SH3TC1: variants seen among roughly 807,000 people sequenced by gnomAD.
SH3TC1 encodes SH3 domain and tetratricopeptide repeats 1, also known as SH3 domain and tetratricopeptide repeat-containing protein 1.
In SH3TC1, 135 loss-of-function variants were observed where a neutral mutation model predicts 117.3. The observed-to-expected ratio is 1.15, with a 90% CI of 1.00 to 1.33. SH3TC1 has a LOEUF of 1.33. Among genes scored for constraint, SH3TC1 ranks in the 40% most tolerant of loss-of-function variants. SH3TC1 has a pLI of 0.00. For synonymous variants in SH3TC1, 898 were observed against 816.9 expected (o/e 1.10, Z -1.69); for missense variants, 2,092 against 1,794.3 (o/e 1.17, Z -3.00).
intron 3 of SH3TC1, among the ~76,000 whole-genome samples, chr4:8,212,315 G>T (rs371806456): frequency 6.6e-6 from 1 of 150,790 alleles, no homozygotes; most frequent in Non-Finnish European, 1.5e-5. Flanking sequence ...TCCTGTGCCC[G>T]CAAGTTCCAA....
Position 8,205,130 on chromosome 4 carries a change from G to A in SH3TC1, c.-28-37G>A. ...CACAACCTCCGTGCTGGTTCTGGAG[G>A]GGCCACCTCTCCTGACCACACCCCC... On this transcript the variant is annotated intron_variant, in intron 1 of 17. Coordinates refer to ENST00000245105, the MANE Select transcript of SH3TC1 (RefSeq NM_018986.5). The surrounding 1 kb of genome is among the most constrained non-coding windows in gnomAD (Gnocchi z 5.4). The A allele has an allele frequency of 7.0e-7, 1 of 1,429,338 alleles. No homozygotes were observed. The highest frequency in any genetic ancestry group is 9.2e-7 in the Non-Finnish European group (1 of 1,084,090). 88.5% of individuals were successfully genotyped at this position (1,429,338 alleles called of 1,614,324 possible).
At chr4:8,218,588 T>A (rs528707821) in intron 8 of SH3TC1, among the ~76,000 whole-genome samples, 1 of 152,340 alleles carries the variant, frequency 6.6e-6, no homozygotes, top group Admixed American at 6.5e-5. Flanking sequence ...TGGGGGCTGG[T>A]GCAGCGTCAT....
In SH3TC1 at chr4:8,209,581, CT is replaced by C; in HGVS notation, c.173-165del. 6.6e-7 allele frequency: 1 copy of C among 1,506,364 alleles called. No homozygotes were observed. Among genetic ancestry groups the C allele is most frequent in the Admixed American group, 2.0e-5 (1 of 50,580 alleles). 93.3% of individuals were successfully genotyped at this position (1,506,364 alleles called of 1,614,324 possible). On this transcript the variant is annotated intron_variant, in intron 2 of 17. Transcript: ENST00000245105. This position sits in a 1 kb window ranked among gnomAD's most constrained non-coding sequence, Gnocchi z 5.9. ...CTGGGAAGTGCAGGCAGCTTCCCTC[CT>C]TGCTGGGCTCTGGGGAGACTGGAGG...
chr4:8,197,725 G>A (rs568191379), upstream of SH3TC1, among the ~76,000 whole-genome samples: 10 of 14,510 alleles, frequency 6.9e-4, no homozygotes, highest in Non-Finnish European at 5.6e-3. Flanking sequence ...TCAGGGCAGC[G>A]AGGGGCATGC....
In SH3TC1 at chr4:8,237,610, G is replaced by T. The variant is rs1213950537; in HGVS notation, c.3693G>T (p.Glu1231Asp). The T allele has an allele frequency of 3.1e-6, 5 of 1,612,578 alleles. No individual in the cohort carries two copies. Among genetic ancestry groups the T allele is most frequent in the South Asian group, 1.1e-5 (1 of 90,872 alleles). Residue 1231 changes from glutamate (E) to aspartate (D), a missense_variant, in exon 17 of 18, where the codon GAG (glutamate) becomes GAT (aspartate). By Grantham distance (45) the Glu-to-Asp change is conservative. Coordinates refer to ENST00000245105, the MANE Select transcript of SH3TC1 (RefSeq NM_018986.5). ...ACTCGCCGCTGGAGTTTGACGAGGA[G>T]ACCCTCTACTACGTGAAGGTGTACC... Reference protein sequence around the residue: ...LCNSPLEFDEETLYYVKVYLV... With the variant: ...LCNSPLEFDEDTLYYVKVYLV...
In SH3TC1 at chr4:8,241,044, G is replaced by A; in HGVS notation, c.*89G>A. The A allele has an allele frequency of 1.3e-6, 2 of 1,547,168 alleles. No individual in the cohort carries two copies. The highest frequency in any genetic ancestry group is 3.8e-5 in the Admixed American group (2 of 52,732). On this transcript the variant is annotated 3_prime_UTR_variant, in exon 18 of 18. Transcript: ENST00000245105. Reference sequence around the variant, plus strand: ...GCCGGTGGCTCATTTTCTGGCAAATGGAGGCACGAACGCAGGGGCCAAATA... The same window carrying A: ...GCCGGTGGCTCATTTTCTGGCAAATAGAGGCACGAACGCAGGGGCCAAATA...
chr4:8,214,966 A>C (rs529510404), intron 5 of SH3TC1, among the ~76,000 whole-genome samples: 1 of 152,344 alleles, frequency 6.6e-6, no homozygotes, highest in East Asian at 1.9e-4. Flanking sequence ...GATTACAGGC[A>C]TGAGCCATGA....
intron 11 of SH3TC1, 58 bp from the exon 12 acceptor site, chr4:8,226,922 G>T: frequency 7.5e-7 from 1 of 1,334,920 alleles, no homozygotes; most frequent in Non-Finnish European, 1.0e-6. Flanking sequence ...CCTGCCCCCA[G>T]TGGACCCAGG....
In SH3TC1 at chr4:8,235,466, C is replaced by T. The variant is rs767797536; in HGVS notation, c.3316C>T (p.Pro1106Ser). The T allele has an allele frequency of 6.3e-7, 1 of 1,598,382 alleles. No individual in the cohort carries two copies. The highest frequency in any genetic ancestry group is 2.3e-5 in the East Asian group (1 of 44,402). The change falls in exon 15 of 18, where the codon CCC becomes TCC. Residue 1106 changes from proline to serine, a missense_variant. Pro to Ser is a moderately conservative substitution (Grantham distance 74). Transcript: ENST00000245105. ...GAACGTGGCCCTGTACACAGGCGAC[C>T]CCAACCTGGGGCTGGAGCTGTTTGA... ...AQNVALYTGD[P>S]NLGLELFEAA...
rs1207224962 is a variant in SH3TC1, at chr4:8,186,526, C to T, written c.-57+4316C>T. ...TTGGTTTACTGAATGTGACAGGTTA[C>T]GCAGGTGTGAGATGGTCATCACGGG... On this transcript the variant is annotated intron_variant, in intron 1 of 16. Transcript: ENST00000508641. This position sits in a 1 kb window ranked among gnomAD's most constrained non-coding sequence, Gnocchi z 5.2. Among the ~76,000 whole-genome samples, 2 of 152,186 alleles carry T rather than the reference C, an allele frequency of 1.3e-5. No homozygotes were observed. Among genetic ancestry groups the T allele is most frequent in the Non-Finnish European group, 2.9e-5 (2 of 68,034 alleles).
chr4:8,235,659 C>G, intron 15 of SH3TC1, 104 bp downstream of exon 15: 1 of 1,394,352 alleles, frequency 7.2e-7, no homozygotes, highest in South Asian at 1.7e-5. Flanking sequence ...GAGGCAGGGC[C>G]GCCCATGCAC....
At chr4:8,232,978 C>T in intron 13 of SH3TC1, 1 of 1,196,074 alleles carries the variant, frequency 8.4e-7, no homozygotes, top group South Asian at 1.6e-5. Context: ...GGCCAGCAAG[C>T]TATATGGACA....
chr4:8,237,742 G>A (rs1352094925), intron 17 of SH3TC1, 72 bp downstream of exon 17: 7 of 1,470,108 alleles, frequency 4.8e-6, no homozygotes, highest in African/African-American at 4.2e-5. Flanking sequence ...AGACCCCTGA[G>A]GCATGTGTTC....
chr4:8,218,085 C>T (rs913438195), intron 7 of SH3TC1, among the ~76,000 whole-genome samples, 186 bp from the exon 8 acceptor site: 24 of 152,026 alleles, frequency 1.6e-4, no homozygotes, highest in African/African-American at 5.3e-4. Context: ...GCCACACGCA[C>T]GGGGCCTGAA....
intron 15 of SH3TC1, 112 bp downstream of exon 15, chr4:8,235,667 C>T (rs1392515434): frequency 5.8e-6 from 8 of 1,381,732 alleles, no homozygotes; most frequent in Non-Finnish European, 7.7e-6. Flanking sequence ...GCCGCCCATG[C>T]ACATGCTTAG....
At chr4:8,230,017 G>A (rs13131204) in intron 12 of SH3TC1, among the ~76,000 whole-genome samples, 25,082 of 112,010 alleles carry the variant, frequency 0.22, 2,929 homozygotes, top group Middle Eastern at 0.29. Flanking sequence ...AGGAGACCGG[G>A]GGCCAGGGGA....
chr4:8,237,680 G>A lies in SH3TC1; in HGVS notation c.3753+10G>A, dbSNP rs763169769. On this transcript the variant is annotated intron_variant, in intron 17 of 17. Coordinates refer to ENST00000245105, the MANE Select transcript of SH3TC1 (RefSeq NM_018986.5). ...CTTCTACGACCTGAAGGTGGGTGGGGAGGGGCTGGGCTCAGGGTGTTCCCG... is the reference window on the plus strand; with the variant it reads ...CTTCTACGACCTGAAGGTGGGTGGGAAGGGGCTGGGCTCAGGGTGTTCCCG... 8 of 1,588,562 alleles carry A rather than the reference G, an allele frequency of 5.0e-6. No homozygotes were observed. The highest frequency in any genetic ancestry group is 3.4e-6 in the Non-Finnish European group (4 of 1,164,716).
chr4:8,226,057 T>C (rs1018697288), intron 11 of SH3TC1, among the ~76,000 whole-genome samples: 1 of 152,236 alleles, frequency 6.6e-6, no homozygotes, highest in South Asian at 2.1e-4. Flanking sequence ...TATGTAATTT[T>C]TTTTTAATTC....
intron 17 of SH3TC1, among the ~76,000 whole-genome samples, chr4:8,238,143 G>T (rs949540031): frequency 2.1e-4 from 32 of 152,252 alleles, no homozygotes; most frequent in African/African-American, 7.2e-4. Context: ...AGCCTGCACT[G>T]AGCAACTCCT....
Sources: gnomAD v4.1 joint callset for allele counts (sites outside exome capture counted in the v4.1 genomes callset) on GRCh38, gnomAD v4.1.1 for gene constraint, Gnocchi (gnomAD v3.1) non-coding constraint, MANE v1.5 for transcripts, NCBI Gene and HGNC (gene_info 2026-07-23, HGNC 2026-07-21) for gene names.